The following EEFSEC variants were observed in gnomAD, a reference collection of about 807,000 sequenced individuals.
EEFSEC encodes eukaryotic elongation factor, selenocysteine-tRNA specific, also known as selenocysteine-specific elongation factor.
A neutral mutation model predicts 42.1 loss-of-function variants in EEFSEC; 43 were observed. That is an observed-to-expected ratio of 1.02 (90% CI 0.80 to 1.32). The LOEUF is 1.32. Ranked by LOEUF, EEFSEC falls within the 40% of genes most tolerant of loss-of-function variation. The pLI is 0.00. For missense variants in EEFSEC, 745 were observed against 803.6 expected (o/e 0.93, Z 0.88); for synonymous variants, 354 against 339.1 (o/e 1.04, Z -0.48).
intron 1 of EEFSEC, among the ~76,000 whole-genome samples, chr3:128,219,097 G>A (rs1368767137): frequency 1.3e-5 from 2 of 152,144 alleles, no homozygotes; most frequent in Non-Finnish European, 2.9e-5. Flanking sequence ...GCCTCTGCTC[G>A]GACTTTGCCT....
At chr3:128,330,591 G>A (rs1013663141) in intron 4 of EEFSEC, among the ~76,000 whole-genome samples, 7 of 152,074 alleles carry the variant, frequency 4.6e-5, no homozygotes, top group African/African-American at 9.7e-5. Context: ...GGTACAGGGC[G>A]CCACAGGGGT....
chr3:128,377,311 C>T (rs144404506), intron 6 of EEFSEC, among the ~76,000 whole-genome samples: 2 of 152,056 alleles, frequency 1.3e-5, no homozygotes, highest in Admixed American at 6.5e-5. Flanking sequence ...AGTTGAACCA[C>T]GTAGTGATTA....
Position 128,246,910 on chromosome 3 carries a change from C to T in EEFSEC, c.391C>T (p.Leu131Phe). Residue 131 changes from leucine (L) to phenylalanine (F), a missense_variant, in exon 2 of 7, where the codon CTT becomes TTT. Physicochemically the swap from Leu to Phe is conservative, Grantham distance 22. Coordinates refer to ENST00000254730, the MANE Select transcript of EEFSEC (RefSeq NM_021937.5). Reference sequence around the variant, plus strand: ...GATGCAGACCCAGTCAGCGGAATGCCTTGTGATCGGCCAGATTGCCTGCCA... The same window carrying T: ...GATGCAGACCCAGTCAGCGGAATGCTTTGTGATCGGCCAGATTGCCTGCCA... ...KGMQTQSAEC[L>F]VIGQIACQKL... 6.2e-7 allele frequency: 1 copy of T among 1,614,196 alleles called. No homozygotes were observed. Among genetic ancestry groups the T allele is most frequent in the Non-Finnish European group, 8.5e-7 (1 of 1,180,044 alleles).
At chr3:128,291,222 G>A (rs181682908) in intron 4 of EEFSEC, among the ~76,000 whole-genome samples, 34 of 151,898 alleles carry the variant, frequency 2.2e-4, no homozygotes, top group African/African-American at 8.0e-4. Context: ...TTTACTGCTA[G>A]TATATAGAAA....
intron 4 of EEFSEC, among the ~76,000 whole-genome samples, chr3:128,324,725 G>A (rs921337711): frequency 6.6e-6 from 1 of 152,232 alleles, no homozygotes; most frequent in Non-Finnish European, 1.5e-5. Flanking sequence ...TGGTCTGGCT[G>A]TACCAGGCCC....
Position 128,397,976 on chromosome 3 carries a change from AC to A in EEFSEC, c.1601-10087del, listed in dbSNP as rs2068001676. 4.6e-5 allele frequency among the ~76,000 whole-genome samples: 7 copies of A among 151,914 alleles called. No individual in the cohort carries two copies. The South Asian group carries it at 1.0e-3, about 23-fold the overall frequency. On this transcript the variant is annotated intron_variant, in intron 6 of 6. Transcript: ENST00000254730. ...TGGTAGGTGGTCGGCAGACCTGCTC[AC>A]CCCCCAGCCTCTGTGCACTGACAGG...
intron 1 of EEFSEC, among the ~76,000 whole-genome samples, chr3:128,190,926 AT>A (rs1285253096): frequency 2.0e-5 from 3 of 151,940 alleles, no homozygotes; most frequent in Non-Finnish European, 4.4e-5. Flanking sequence ...GCCTGGGGGT[AT>A]TTTTTTTATT....
intron 4 of EEFSEC, among the ~76,000 whole-genome samples, chr3:128,336,169 C>T (rs189592728): frequency 2.0e-5 from 3 of 152,268 alleles, no homozygotes; most frequent in Admixed American, 6.5e-5. Context: ...TCCCACCTAG[C>T]ATGAGGCAGA....
At chr3:128,183,519 C>A (rs1261700570) in intron 1 of EEFSEC, among the ~76,000 whole-genome samples, 4 of 152,176 alleles carry the variant, frequency 2.6e-5, no homozygotes, top group Non-Finnish European at 4.4e-5. Flanking sequence ...CATCATTCTT[C>A]CTAAGGAAGG....
intron 6 of EEFSEC, among the ~76,000 whole-genome samples, chr3:128,373,310 G>A (rs2067674636): frequency 6.6e-6 from 1 of 152,224 alleles, no homozygotes. Context: ...CACCCATTGT[G>A]TGGATGTTGG....
chr3:128,393,087 T>C (rs1374384661), intron 6 of EEFSEC, among the ~76,000 whole-genome samples: 1 of 152,206 alleles, frequency 6.6e-6, no homozygotes, highest in Non-Finnish European at 1.5e-5. Flanking sequence ...ACCTGGCCTT[T>C]AAGGCTTCCA....
intron 1 of EEFSEC, among the ~76,000 whole-genome samples, chr3:128,155,266 C>A (rs1944357666): frequency 6.6e-6 from 1 of 152,106 alleles, no homozygotes; most frequent in Non-Finnish European, 1.5e-5. Flanking sequence ...AGGTGCACAT[C>A]ACCACACCTG....
chr3:128,177,293 C>G (rs1326124850), intron 1 of EEFSEC, among the ~76,000 whole-genome samples: 1 of 152,012 alleles, frequency 6.6e-6, no homozygotes, highest in Non-Finnish European at 1.5e-5. Context: ...TGAGCCAGGC[C>G]TATGTGTTGG....
At chr3:128,205,795 G>C (rs916570060) in intron 1 of EEFSEC, among the ~76,000 whole-genome samples, 7 of 152,176 alleles carry the variant, frequency 4.6e-5, no homozygotes, top group African/African-American at 1.7e-4. Context: ...CTGAAAGGGA[G>C]GGCTTTCCTG....
chr3:128,373,319 G>C (rs540433268), intron 6 of EEFSEC, among the ~76,000 whole-genome samples: 1 of 152,224 alleles, frequency 6.6e-6, no homozygotes, highest in Non-Finnish European at 1.5e-5. Context: ...TGTGGATGTT[G>C]GGCCCACCTT....
intron 4 of EEFSEC, among the ~76,000 whole-genome samples, chr3:128,270,279 C>T (rs2066400231): frequency 6.6e-6 from 1 of 152,150 alleles, no homozygotes; most frequent in Non-Finnish European, 1.5e-5. Flanking sequence ...TGTCAGGGCA[C>T]CTTCCTGGGT....
At chr3:128,346,132 G>A (rs2977571) in intron 5 of EEFSEC, among the ~76,000 whole-genome samples, 1 of 152,240 alleles carries the variant, frequency 6.6e-6, no homozygotes, top group African/African-American at 2.4e-5. Context: ...AAGCTGGTCA[G>A]GTACCCTACC....
chr3:128,175,719 G>C (rs1307045319), intron 1 of EEFSEC, among the ~76,000 whole-genome samples: 1 of 152,254 alleles, frequency 6.6e-6, no homozygotes, highest in African/African-American at 2.4e-5. Context: ...ATAGTGCTGG[G>C]AGAAGCCTGC....
At chr3:128,243,223 T>G (rs1243311372) in intron 1 of EEFSEC, among the ~76,000 whole-genome samples, 1 of 152,174 alleles carries the variant, frequency 6.6e-6, no homozygotes, top group Admixed American at 6.5e-5. Flanking sequence ...AGCCTGGCCT[T>G]TTGGAACAAA....
Sources: gnomAD v4.1 joint callset for allele counts (sites outside exome capture counted in the v4.1 genomes callset) on GRCh38, gnomAD v4.1.1 for gene constraint, MANE v1.5 for transcripts, NCBI Gene and HGNC (gene_info 2026-07-23, HGNC 2026-07-21) for gene names.